PDGFD: variants seen among roughly 807,000 people sequenced by gnomAD.
PDGFD encodes the protein platelet-derived growth factor D.
In PDGFD, 30 loss-of-function variants were observed where a neutral mutation model predicts 44.7. The ratio of observed to expected loss-of-function variants is 0.67; its 90% CI spans 0.50 to 0.91. PDGFD has a LOEUF of 0.91. PDGFD is among the 40% of genes least tolerant of loss of function. The probability of loss-of-function intolerance (pLI) is 0.00; values close to 1 mark genes in which losing one functional copy is unlikely to be tolerated. For missense variants in PDGFD, 445 were observed against 457.8 expected (o/e 0.97, Z 0.25); for synonymous variants, 173 against 168.4 (o/e 1.03, Z -0.21).
At chr11:103,938,399 T>C (rs1208246426) in intron 5 of PDGFD, among the ~76,000 whole-genome samples, 1 of 152,090 alleles carries the variant, frequency 6.6e-6, no homozygotes, top group African/African-American at 2.4e-5. Flanking sequence ...TTTGATGGGG[T>C]TCTTTGTTTT....
chr11:103,969,516 T>C (rs1481336142), intron 3 of PDGFD, among the ~76,000 whole-genome samples: 1 of 137,902 alleles, frequency 7.3e-6, no homozygotes, highest in African/African-American at 2.8e-5. Flanking sequence ...GTGGTTGAGG[T>C]ATCACCCTTA....
At chr11:104,006,342 T>C (rs1240954595) in intron 1 of PDGFD, among the ~76,000 whole-genome samples, 2 of 152,242 alleles carry the variant, frequency 1.3e-5, no homozygotes, top group African/African-American at 4.8e-5. Flanking sequence ...TCATGATTTC[T>C]ATTTTGCTTC....
chr11:103,959,938 G>A (rs1858911179), intron 3 of PDGFD, among the ~76,000 whole-genome samples: 1 of 152,102 alleles, frequency 6.6e-6, no homozygotes, highest in African/African-American at 2.4e-5. Flanking sequence ...ATGCGTATGG[G>A]CATTAAAAAT....
chr11:104,087,694 C>T (rs1171978823), intron 1 of PDGFD, among the ~76,000 whole-genome samples: 1 of 152,186 alleles, frequency 6.6e-6, no homozygotes, highest in African/African-American at 2.4e-5. Context: ...ATTTTAGGTT[C>T]AGGATGCCCA....
intron 3 of PDGFD, among the ~76,000 whole-genome samples, chr11:103,972,117 T>A (rs959668501): frequency 6.6e-6 from 1 of 152,232 alleles, no homozygotes; most frequent in Non-Finnish European, 1.5e-5. Context: ...TAACTCTGAA[T>A]GGTAAAATGT....
intron 1 of PDGFD, among the ~76,000 whole-genome samples, chr11:104,011,154 A>T (rs1859779910): frequency 6.6e-6 from 1 of 152,090 alleles, no homozygotes; most frequent in Non-Finnish European, 1.5e-5. Context: ...GGAATTGAAC[A>T]GTGTGGATCA....
intron 1 of PDGFD, among the ~76,000 whole-genome samples, chr11:104,048,014 A>C (rs1860471281): frequency 1.3e-5 from 2 of 152,176 alleles, no homozygotes; most frequent in Non-Finnish European, 2.9e-5. Flanking sequence ...AATACAAATG[A>C]ATAATCTAGT....
chr11:104,035,504 A>T (rs973426630), intron 1 of PDGFD, among the ~76,000 whole-genome samples: 1 of 151,884 alleles, frequency 6.6e-6, no homozygotes, highest in South Asian at 2.1e-4. Context: ...TAAAAAAAAA[A>T]ATCACAAACA....
chr11:103,990,747 T>C (rs1490049416), intron 3 of PDGFD, among the ~76,000 whole-genome samples: 1 of 152,106 alleles, frequency 6.6e-6, no homozygotes, highest in African/African-American at 2.4e-5. Context: ...TCCTTGGCTA[T>C]ATATATATAG....
At chr11:103,978,976 A>G (rs1282192642) in intron 3 of PDGFD, among the ~76,000 whole-genome samples, 1 of 151,480 alleles carries the variant, frequency 6.6e-6, no homozygotes, top group African/African-American at 2.4e-5. Flanking sequence ...AATTCTTAAC[A>G]AGGCAGCACA....
chr11:103,953,936 A>G (rs1353249904), intron 3 of PDGFD, among the ~76,000 whole-genome samples: 1 of 152,232 alleles, frequency 6.6e-6, no homozygotes, highest in Non-Finnish European at 1.5e-5. Context: ...CTATGAAAAC[A>G]TGCAATGAAC....
rs928724283 is a variant in PDGFD, at chr11:104,082,135, TAC to T, written c.124+81667_124+81668del. 5.9e-4 allele frequency among the ~76,000 whole-genome samples: 86 copies of T among 145,350 alleles called. 5 individuals are homozygous for T. Among genetic ancestry groups the T allele is most frequent in the Admixed American group, 1.8e-3 (27 of 14,700 alleles). ...TTTTGTTGATGTCCATATACATACA[TAC>T]ATATATATATATGAAAAACAAAGTC... On this transcript the variant is annotated intron_variant, in intron 1 of 6. Transcript: ENST00000393158.
chr11:104,137,155 G>C (rs1862018781), intron 1 of PDGFD, among the ~76,000 whole-genome samples: 1 of 152,176 alleles, frequency 6.6e-6, no homozygotes, highest in Non-Finnish European at 1.5e-5. Flanking sequence ...TAACAGTATT[G>C]TCAATAATAA....
At chr11:104,131,852 C>G (rs1019427657) in intron 1 of PDGFD, among the ~76,000 whole-genome samples, 1 of 147,404 alleles carries the variant, frequency 6.8e-6, no homozygotes, top group African/African-American at 2.5e-5. Flanking sequence ...ATCTATCTAC[C>G]TTTCGATAAG....
intron 4 of PDGFD, 101 bp from the exon 5 acceptor site, chr11:103,943,751 T>A: frequency 1.1e-6 from 1 of 939,356 alleles, no homozygotes; most frequent in Non-Finnish European, 1.6e-6. Flanking sequence ...GGCTTCTGAG[T>A]ATAAGACATC....
intron 1 of PDGFD, among the ~76,000 whole-genome samples, chr11:104,078,132 T>C (rs180924618): frequency 1.3e-5 from 2 of 152,334 alleles, no homozygotes; most frequent in East Asian, 3.9e-4. Flanking sequence ...GTGTCCTCTA[T>C]TGACCACAGG....
intron 1 of PDGFD, among the ~76,000 whole-genome samples, chr11:104,065,387 T>A (rs960579809): frequency 6.6e-6 from 1 of 152,228 alleles, no homozygotes; most frequent in Non-Finnish European, 1.5e-5. Flanking sequence ...ACTATCACTC[T>A]AACCACATGC....
In PDGFD at chr11:103,983,107, C is replaced by G. The variant is rs191893284; in HGVS notation, c.510+12958G>C. ...TGGAATCAAAAAAGACCCCAAACAG[C>G]CAAGACAATCCTAAGCAAAAATGAC... On this transcript the variant is annotated intron_variant, in intron 3 of 6. Transcript: ENST00000393158. Among the ~76,000 whole-genome samples, 94 of 151,882 alleles carry G rather than the reference C, an allele frequency of 6.2e-4. 2 individuals are homozygous for G. Among genetic ancestry groups the G allele is most frequent in the African/African-American group, 2.2e-3 (92 of 41,220 alleles).
chr11:104,114,740 C>A (rs1861607218), intron 1 of PDGFD, among the ~76,000 whole-genome samples: 1 of 151,888 alleles, frequency 6.6e-6, no homozygotes, highest in Non-Finnish European at 1.5e-5. Context: ...CATAGAATAT[C>A]TCTCCATTTA....
Sources: gnomAD v4.1 joint callset for allele counts (sites outside exome capture counted in the v4.1 genomes callset) on GRCh38, gnomAD v4.1.1 for gene constraint, MANE v1.5 for transcripts, NCBI Gene and HGNC (gene_info 2026-07-23, HGNC 2026-07-21) for gene names.